QRICH1: variants seen among roughly 807,000 people sequenced by gnomAD.
QRICH1 encodes the protein transcriptional regulator QRICH1.
Under a neutral mutation model 87.1 loss-of-function variants are expected in QRICH1, and 16 were observed. The observed-to-expected ratio is 0.18, with a 90% CI of 0.12 to 0.28. The LOEUF (loss-of-function observed/expected upper bound fraction) is 0.28. QRICH1 is among the 10% of genes least tolerant of loss of function. QRICH1 has a pLI of 1.00. For missense variants in QRICH1, 647 were observed against 951.7 expected (o/e 0.68, Z 4.21); for synonymous variants, 367 against 368.4 (o/e 1.00, Z 0.05).
intron 1 of QRICH1, among the ~76,000 whole-genome samples, chr3:49,080,519 G>A (rs891747937): frequency 6.6e-6 from 1 of 151,572 alleles, no homozygotes; most frequent in African/African-American, 2.4e-5. Context: ...AAAAAAACAA[G>A]AAAAAAGAAA....
At chr3:49,077,931 A>C (rs2041982273) in intron 1 of QRICH1, among the ~76,000 whole-genome samples, 1 of 152,200 alleles carries the variant, frequency 6.6e-6, no homozygotes, top group Admixed American at 6.5e-5. Context: ...GTATTTAATT[A>C]CCTTAAGAAT....
chr3:49,038,471 G>A (rs2093289295), intron 6 of QRICH1, among the ~76,000 whole-genome samples: 1 of 151,674 alleles, frequency 6.6e-6, no homozygotes, highest in African/African-American at 2.4e-5. Flanking sequence ...GGAGTGCAAT[G>A]GTGTGATCTC....
chr3:49,075,092 CAGG>C (rs1276824320), intron 2 of QRICH1, among the ~76,000 whole-genome samples: 2 of 150,698 alleles, frequency 1.3e-5, no homozygotes, highest in African/African-American at 4.9e-5. Flanking sequence ...GAGGCCAAGG[CAGG>C]AGAATATCTT....
At chr3:49,074,124 T>C (rs1014017109) in intron 2 of QRICH1, among the ~76,000 whole-genome samples, 8 of 152,242 alleles carry the variant, frequency 5.3e-5, no homozygotes, top group African/African-American at 1.9e-4. Context: ...CAGAAATCCA[T>C]ACGTAATCTG....
chr3:49,048,359 A>G (rs536946725), intron 3 of QRICH1, among the ~76,000 whole-genome samples: 1 of 151,278 alleles, frequency 6.6e-6, no homozygotes, highest in South Asian at 2.1e-4. Context: ...CTTGACTCCC[A>G]TCTTCAGGTG....
At chr3:49,048,415 G>A (rs1316306229) in intron 3 of QRICH1, among the ~76,000 whole-genome samples, 4 of 151,110 alleles carry the variant, frequency 2.6e-5, no homozygotes, top group Non-Finnish European at 5.9e-5. Flanking sequence ...ACAGGCTTGG[G>A]CCATCGGCCG....
chr3:49,069,757 G>C (rs1429660944), intron 2 of QRICH1, among the ~76,000 whole-genome samples: 1 of 151,340 alleles, frequency 6.6e-6, no homozygotes, highest in Non-Finnish European at 1.5e-5. Flanking sequence ...TGAGATTACA[G>C]GTATGAGCCA....
intron 1 of QRICH1, among the ~76,000 whole-genome samples, chr3:49,087,776 AG>A (rs555033118): frequency 2.6e-4 from 30 of 116,748 alleles, no homozygotes; most frequent in Non-Finnish European, 4.6e-4. Flanking sequence ...CGGGAGGCTG[AG>A]GCAGAAGAAT....
chr3:49,040,423 T>C (rs909181065), intron 6 of QRICH1, among the ~76,000 whole-genome samples: 1 of 152,152 alleles, frequency 6.6e-6, no homozygotes, highest in Non-Finnish European at 1.5e-5. Flanking sequence ...GCCTGGGCAA[T>C]ACAGCAAGAC....
chr3:49,047,479 GTTTTTTTTT>G (rs397724825), intron 3 of QRICH1, among the ~76,000 whole-genome samples: 2 of 109,086 alleles, frequency 1.8e-5, no homozygotes, highest in Non-Finnish European at 3.8e-5. Flanking sequence ...ACTTTTAAAT[GTTTTTTTTT>G]TTTTTTTTTT....
intron 3 of QRICH1, among the ~76,000 whole-genome samples, chr3:49,048,872 TGTCA>T (rs1338862672): frequency 5.3e-5 from 8 of 151,178 alleles, no homozygotes; most frequent in African/African-American, 1.9e-4. Flanking sequence ...AGAGGCACAT[TGTCA>T]GTATTTTTAA....
chr3:49,031,810 T>C (rs1319155429), intron 9 of QRICH1, among the ~76,000 whole-genome samples: 1 of 152,064 alleles, frequency 6.6e-6, no homozygotes, highest in Admixed American at 6.5e-5. Flanking sequence ...GAGAAACCAT[T>C]GAAGGGGCAA....
chr3:49,045,252 G>T (rs544553410), intron 5 of QRICH1, among the ~76,000 whole-genome samples: 15 of 139,344 alleles, frequency 1.1e-4, no homozygotes, highest in African/African-American at 4.1e-4. Flanking sequence ...ACAAGACTCT[G>T]TTTTGAATAA....
At chr3:49,055,337 A>G (rs768379905) in intron 3 of QRICH1, among the ~76,000 whole-genome samples, 2 of 152,166 alleles carry the variant, frequency 1.3e-5, no homozygotes, top group Non-Finnish European at 2.9e-5. Context: ...CATCAGTCCC[A>G]TAAGACCAGA....
intron 2 of QRICH1, among the ~76,000 whole-genome samples, chr3:49,075,809 G>A (rs769026708): frequency 1.1e-4 from 16 of 152,120 alleles, no homozygotes; most frequent in Non-Finnish European, 1.9e-4. Flanking sequence ...GAGGGTGGTA[G>A]TGCACACCTG....
chr3:49,056,133 G>A (rs2093401027), intron 3 of QRICH1, among the ~76,000 whole-genome samples: 1 of 151,910 alleles, frequency 6.6e-6, no homozygotes, highest in Non-Finnish European at 1.5e-5. Context: ...CTGCCACCAT[G>A]CCCAGCTAAT....
At chr3:49,031,948 C>A (rs2093243156) in intron 9 of QRICH1, among the ~76,000 whole-genome samples, 1 of 152,202 alleles carries the variant, frequency 6.6e-6, no homozygotes. Context: ...ATACCCTTTT[C>A]ATGAAAGGTG....
chr3:49,038,663 C>T (rs2093290905), intron 6 of QRICH1, among the ~76,000 whole-genome samples: 1 of 152,134 alleles, frequency 6.6e-6, no homozygotes, highest in South Asian at 2.1e-4. Context: ...GTGGTCGGCC[C>T]ACCTCAGCCT....
intron 1 of QRICH1, among the ~76,000 whole-genome samples, chr3:49,078,386 CTT>C (rs60933196): frequency 4.1e-3 from 285 of 69,788 alleles, no homozygotes; most frequent in Non-Finnish European, 6.2e-3. Flanking sequence ...ATTATGGTTC[CTT>C]TTTTTTTTTT....
Sources: gnomAD v4.1 joint callset for allele counts (sites outside exome capture counted in the v4.1 genomes callset) on GRCh38, gnomAD v4.1.1 for gene constraint, MANE v1.5 for transcripts, NCBI Gene and HGNC (gene_info 2026-07-23, HGNC 2026-07-21) for gene names.